Variants in PARD3 observed in about 807,000 individuals in gnomAD.
The protein encoded by PARD3 is partitioning defective 3 homolog.
A neutral mutation model predicts 155.4 loss-of-function variants in PARD3; 75 were observed. That is an observed-to-expected ratio of 0.48 (90% CI 0.40 to 0.58). The LOEUF (loss-of-function observed/expected upper bound fraction) is 0.58, where lower values mean the gene tolerates loss of function less well. Ranked by LOEUF, PARD3 falls within the 20% of genes least tolerant of loss-of-function variation. PARD3 has a pLI of 0.00. For synonymous variants in PARD3, 576 were observed against 610.5 expected (o/e 0.94, Z 0.83); for missense variants, 1,642 against 1,721.7 (o/e 0.95, Z 0.82).
intron 2 of PARD3, among the ~76,000 whole-genome samples, chr10:34,661,746 T>C (rs1469308681): frequency 6.6e-6 from 1 of 152,160 alleles, no homozygotes; most frequent in Non-Finnish European, 1.5e-5. Context: ...AAGATCAGAA[T>C]TGTTATCAAA....
chr10:34,155,762 C>G (rs1948977039), intron 22 of PARD3, among the ~76,000 whole-genome samples: 1 of 151,022 alleles, frequency 6.6e-6, no homozygotes, highest in South Asian at 2.1e-4. Context: ...ACAACAGGAT[C>G]AATGAAAGGA....
chr10:34,505,654 C>T (rs2081012968), intron 3 of PARD3, among the ~76,000 whole-genome samples: 1 of 152,186 alleles, frequency 6.6e-6, no homozygotes. Flanking sequence ...ATGTCTACAT[C>T]TGATGACATG....
chr10:34,251,714 A>G (rs1304731092), intron 22 of PARD3, among the ~76,000 whole-genome samples: 3 of 152,230 alleles, frequency 2.0e-5, no homozygotes, highest in Non-Finnish European at 4.4e-5. Flanking sequence ...TAAGTTTAAC[A>G]TACAATAAGC....
chr10:34,486,457 G>A (rs1411681353), intron 3 of PARD3, among the ~76,000 whole-genome samples: 2 of 152,320 alleles, frequency 1.3e-5, no homozygotes, highest in African/African-American at 4.8e-5. Flanking sequence ...TGGGGCAGAA[G>A]GAAGACAATA....
At chr10:34,683,385 G>C (rs1181466619) in intron 2 of PARD3, among the ~76,000 whole-genome samples, 1 of 151,462 alleles carries the variant, frequency 6.6e-6, no homozygotes, top group African/African-American at 2.4e-5. Context: ...TCCTGAATCT[G>C]AAATTTAAAA....
intron 15 of PARD3, chr10:34,345,704 T>A: frequency 2.0e-6 from 2 of 985,426 alleles, no homozygotes; most frequent in Non-Finnish European, 2.4e-6. Flanking sequence ...AGAAACGGTG[T>A]GATTTGTCAA....
chr10:34,481,922 C>T (rs2079103365), intron 3 of PARD3, among the ~76,000 whole-genome samples: 1 of 151,944 alleles, frequency 6.6e-6, no homozygotes, highest in Admixed American at 6.6e-5. Flanking sequence ...AGCCTTAACT[C>T]CTGGCCTCAA....
intron 2 of PARD3, among the ~76,000 whole-genome samples, chr10:34,649,944 C>CA (rs1282330996): frequency 6.6e-6 from 1 of 151,930 alleles, no homozygotes; most frequent in African/African-American, 2.4e-5. Context: ...CACACACACA[C>CA]ATTAGCCTAG....
rs528354150 is a variant in PARD3 at position 34,259,862 on chromosome 10, G to A, written c.3419+9795C>T. ...TCTCATTTATCGCCCAGGTTGGAGC[G>A]CAGGGTCTCATTCTGTTGCCTAGGC... is the stretch of plus-strand genomic sequence containing the variant. On this transcript the variant is annotated intron_variant, in intron 22 of 24. Coordinates refer to ENST00000374788, the MANE Select transcript of PARD3 (RefSeq NM_001184785.2). Among the ~76,000 whole-genome samples the A allele has an allele frequency of 1.8e-4, 28 of 152,186 alleles. No individual in the cohort carries two copies. In the South Asian group the frequency reaches 5.0e-3, roughly 27 times the overall value.
chr10:34,666,775 C>A (rs1338367908), intron 2 of PARD3, among the ~76,000 whole-genome samples: 2 of 860 alleles, frequency 2.3e-3, no homozygotes, highest in Non-Finnish European at 4.8e-3. Flanking sequence ...TACCCCTCCC[C>A]CTAAAAAAAA....
At chr10:34,301,894 T>C (rs904344317) in intron 20 of PARD3, among the ~76,000 whole-genome samples, 1 of 150,736 alleles carries the variant, frequency 6.6e-6, no homozygotes, top group African/African-American at 2.4e-5. Context: ...TACATCTATA[T>C]GTCTCTGTCC....
intron 2 of PARD3, among the ~76,000 whole-genome samples, chr10:34,652,187 A>T (rs149423036): frequency 1.2e-4 from 19 of 152,310 alleles, no homozygotes; most frequent in African/African-American, 4.6e-4. Flanking sequence ...CAAGAAGCAT[A>T]CGCCACTGCA....
At chr10:34,660,136 T>C (rs914992986) in intron 2 of PARD3, among the ~76,000 whole-genome samples, 2 of 152,202 alleles carry the variant, frequency 1.3e-5, no homozygotes, top group Non-Finnish European at 2.9e-5. Flanking sequence ...GAAAACACAA[T>C]GTAAACTGTA....
intron 1 of PARD3, among the ~76,000 whole-genome samples, chr10:34,704,353 A>G (rs939367411): frequency 3.3e-5 from 5 of 152,252 alleles, no homozygotes; most frequent in Non-Finnish European, 5.9e-5. Flanking sequence ...TAGCTTTAAT[A>G]ATAAAAATAA....
chr10:34,341,328 T>G (rs1056163548), intron 16 of PARD3, among the ~76,000 whole-genome samples: 3 of 152,122 alleles, frequency 2.0e-5, no homozygotes, highest in Admixed American at 6.6e-5. Context: ...ATGCATCAAA[T>G]TAACACAGAT....
chr10:34,328,815 A>G lies in PARD3; in HGVS notation c.2833+2302T>C, dbSNP rs374385062. 7.4e-4 allele frequency among the ~76,000 whole-genome samples: 113 copies of G among 152,358 alleles called. No homozygotes were observed. In the South Asian group the frequency reaches 0.023, roughly 31 times the overall value. ...ATTCCACCCTATAAACACGATTTCA[A>G]CAACCAAAATTGGAAAAGTTTGGAA... On this transcript the variant is annotated intron_variant, in intron 19 of 24. Transcript: ENST00000374788.
At chr10:34,696,557 T>G in intron 1 of PARD3, 138 bp from the exon 2 acceptor site, 1 of 641,838 alleles carries the variant, frequency 1.6e-6, no homozygotes, top group Non-Finnish European at 2.8e-6. Context: ...GATTAAAAAT[T>G]CAGACAGCAC....
rs933584274 is a variant in PARD3 at position 34,343,391 on chromosome 10, T to A, written c.2219-1575A>T. 1.2e-5 allele frequency: 12 copies of A among 984,042 alleles called. No individual in the cohort carries two copies. The East Asian group carries it at 1.2e-3, about 102-fold the overall frequency. 61.0% of individuals were successfully genotyped at this position (984,042 alleles called of 1,614,324 possible). A position where few individuals can be genotyped will look rare whatever the true frequency, so the allele number is the denominator to read the frequency against. Reference sequence around the variant, plus strand: ...GAACACTGAAAGGGGCATATGATTTTTTTTGTAATCTGTTGTTCTGAGTAG... The same window carrying A: ...GAACACTGAAAGGGGCATATGATTTATTTTGTAATCTGTTGTTCTGAGTAG... On this transcript the variant is annotated intron_variant, in intron 15 of 24. Coordinates refer to ENST00000374788, the MANE Select transcript of PARD3 (RefSeq NM_001184785.2).
intron 1 of PARD3, among the ~76,000 whole-genome samples, chr10:34,746,395 G>A (rs1024127420): frequency 2.6e-5 from 4 of 152,022 alleles, no homozygotes; most frequent in African/African-American, 7.2e-5. Flanking sequence ...GTTATAGTGA[G>A]GTATGATCAC....
Sources: allele counts gnomAD v4.1 joint callset (sites outside exome capture counted in the v4.1 genomes callset), GRCh38; gene constraint gnomAD v4.1.1; transcripts MANE v1.5; gene names NCBI Gene and HGNC (gene_info 2026-07-23, HGNC 2026-07-21).